Variants in ITK observed in about 807,000 individuals in gnomAD.
The protein encoded by ITK is IL2 inducible T cell kinase.
A neutral mutation model predicts 87.6 loss-of-function variants in ITK; 45 were observed. The ratio of observed to expected loss-of-function variants is 0.51; its 90% confidence interval spans 0.40 to 0.66. ITK has a LOEUF of 0.66. ITK is among the 30% of genes least tolerant of loss of function. The pLI, the probability that ITK is intolerant of heterozygous loss-of-function variation, is 0.00. For missense variants in ITK, 605 were observed against 766.3 expected (o/e 0.79, Z 2.48); for synonymous variants, 303 against 273.6 (o/e 1.11, Z -1.06).
chr5:157,233,567 A>G lies in ITK; in HGVS notation c.768+1173A>G, dbSNP rs573926095. ...GGTCCCACCCCAGATCCACAGAATC[A>G]GAGTCTCTAGTGTTAGTTCCCGGGA... On this transcript the variant is annotated intron_variant, in intron 8 of 16. Transcript: ENST00000422843. Among the ~76,000 whole-genome samples the G allele has an allele frequency of 2.1e-3, 320 of 152,276 alleles. 2 individuals carry two copies. Among genetic ancestry groups the G allele is most frequent in the African/African-American group, 7.5e-3 (311 of 41,556 alleles).
chr5:157,206,969 C>T (rs1353308406), intron 1 of ITK, among the ~76,000 whole-genome samples: 1 of 151,992 alleles, frequency 6.6e-6, no homozygotes, highest in East Asian at 1.9e-4. Flanking sequence ...TGTCAAAACT[C>T]ACTGAAATGT....
At position 157,253,521 on chromosome 5, in the gene ITK, C is replaced by T; in HGVS notation, c.*843C>T. ...CTTTTATACCAAGCTGTGCAGGTGACTATGCCTCCTCTTCTGCACAGAATG... is the reference window on the plus strand; with the variant it reads ...CTTTTATACCAAGCTGTGCAGGTGATTATGCCTCCTCTTCTGCACAGAATG... On this transcript the variant is annotated 3_prime_UTR_variant, in exon 17 of 17. Transcript: ENST00000422843. The T allele has an allele frequency of 8.8e-6, 2 of 226,496 alleles. No homozygotes were observed. The highest frequency in any genetic ancestry group is 1.8e-5 in the Non-Finnish European group (2 of 113,798). The allele number at this position is 226,496 out of a possible 1,614,324, so 14.0% of individuals were successfully genotyped here.
intron 9 of ITK, 120 bp from the exon 10 acceptor site, chr5:157,239,942 T>A: frequency 9.9e-7 from 1 of 1,006,588 alleles, no homozygotes; most frequent in South Asian, 1.4e-5. Flanking sequence ...AGTTGAACAA[T>A]ATCTGCCACC....
rs1451955244 is a variant in ITK, at chr5:157,226,802, GT to G, written c.648-1487del. ...CAGGCATCTTTTTTTGTTTTGTTTT[GT>G]TTTTTTGTTTTTTTGAGACAGAGTC... On this transcript the variant is annotated intron_variant, in intron 6 of 16. Transcript: ENST00000422843. 6.2e-5 allele frequency among the ~76,000 whole-genome samples: 8 copies of G among 128,606 alleles called. No individual in the cohort carries two copies. The South Asian group carries it at 1.8e-3, about 28-fold the overall frequency. The allele number at this position is 128,606 out of a possible 152,430, so 84.4% of individuals were successfully genotyped here.
At chr5:157,187,447 A>G (rs997333265) in intron 1 of ITK, among the ~76,000 whole-genome samples, 1 of 152,236 alleles carries the variant, frequency 6.6e-6, no homozygotes, top group Non-Finnish European at 1.5e-5. Flanking sequence ...TGGAGAGGTT[A>G]GAGACACAAA....
intron 8 of ITK, among the ~76,000 whole-genome samples, chr5:157,233,965 T>TATA (rs1561661212): frequency 1.5e-3 from 28 of 18,766 alleles, no homozygotes; most frequent in Admixed American, 2.8e-3. Flanking sequence ...ATATATATAT[T>TATA]TTTTTTTTTT....
chr5:157,210,060 G>A (rs188391090), intron 2 of ITK, among the ~76,000 whole-genome samples: 1 of 152,114 alleles, frequency 6.6e-6, no homozygotes, highest in East Asian at 1.9e-4. Context: ...TGAATAGCTG[G>A]GACTACGGGC....
chr5:157,206,421 C>T (rs899360138), intron 1 of ITK, among the ~76,000 whole-genome samples: 45 of 152,202 alleles, frequency 3.0e-4, no homozygotes, highest in African/African-American at 1.0e-3. Context: ...GTGGGGGAGA[C>T]GCTCCTCCTC....
intron 9 of ITK, 145 bp from the exon 10 acceptor site, chr5:157,239,917 C>A: frequency 2.4e-6 from 2 of 842,028 alleles, no homozygotes; most frequent in Non-Finnish European, 3.8e-6. Context: ...CCCAATCTGT[C>A]AAGACAGACT....
At chr5:157,191,323 G>A (rs1040642348) in intron 1 of ITK, among the ~76,000 whole-genome samples, 2 of 151,790 alleles carry the variant, frequency 1.3e-5, no homozygotes, top group Non-Finnish European at 2.9e-5. Context: ...GAAAGTGCCT[G>A]GTGTATAACC....
At chr5:157,242,228 GC>G (rs1321072599) in intron 11 of ITK, among the ~76,000 whole-genome samples, 1 of 152,152 alleles carries the variant, frequency 6.6e-6, no homozygotes, top group Non-Finnish European at 1.5e-5. Context: ...ATGTTTTCTT[GC>G]CCTACGGAAT....
At chr5:157,237,627 T>G (rs1754803350) in intron 8 of ITK, among the ~76,000 whole-genome samples, 1 of 152,214 alleles carries the variant, frequency 6.6e-6, no homozygotes, top group Non-Finnish European at 1.5e-5. Context: ...GCTTCTAACA[T>G]TCTTTGAAAG....
chr5:157,239,945 C>T, intron 9 of ITK, 117 bp from the exon 10 acceptor site: 1 of 1,019,310 alleles, frequency 9.8e-7, no homozygotes, highest in Middle Eastern at 2.6e-4. Flanking sequence ...TGAACAATAT[C>T]TGCCACCTTG....
chr5:157,197,450 C>T (rs1332569859), intron 1 of ITK, among the ~76,000 whole-genome samples: 1 of 152,178 alleles, frequency 6.6e-6, no homozygotes, highest in African/African-American at 2.4e-5. Context: ...GCTTTTCCTC[C>T]TGCTTCACAC....
rs933100482 is a variant in ITK, at chr5:157,232,200, T to G, written c.714-140T>G. 9.0e-6 allele frequency: 6 copies of G among 664,646 alleles called. No homozygotes were observed. The Admixed American group carries it at 1.5e-4, about 17-fold the overall frequency. 41.2% of individuals were successfully genotyped at this position (664,646 alleles called of 1,614,324 possible). On this transcript the variant is annotated intron_variant, in intron 7 of 16. Coordinates refer to ENST00000422843, the MANE Select transcript of ITK (RefSeq NM_005546.4). ...AACATACGTGTGCAGACTTGTTAAA[T>G]AAATAAAATACACTTAAAATTTTTT...
Position 157,252,967 on chromosome 5 carries a change from G to A in ITK, c.*289G>A. On this transcript the variant is annotated 3_prime_UTR_variant, in exon 17 of 17. Coordinates refer to ENST00000422843, the MANE Select transcript of ITK (RefSeq NM_005546.4). The stretch of plus-strand genomic sequence containing the variant: ...GTGGTGCACAAACCTCAACCTGACA[G>A]CTTTCAGACAGCATTCTTGCACTTC... 2.0e-6 allele frequency: 1 copy of A among 489,496 alleles called. No homozygotes were observed. 30.3% of individuals were successfully genotyped at this position (489,496 alleles called of 1,614,324 possible).
intron 1 of ITK, among the ~76,000 whole-genome samples, chr5:157,181,920 G>C (rs1335523255): frequency 6.6e-6 from 1 of 152,174 alleles, no homozygotes. Flanking sequence ...AAAAGCATTG[G>C]ACAAAGGGTC....
chr5:157,233,649 G>A (rs945148291), intron 8 of ITK, among the ~76,000 whole-genome samples: 37 of 152,088 alleles, frequency 2.4e-4, no homozygotes, highest in African/African-American at 8.7e-4. Context: ...CAAACCTGGC[G>A]CTGCCAGGCT....
At chr5:157,191,126 T>C (rs1398400541) in intron 1 of ITK, among the ~76,000 whole-genome samples, 1 of 151,956 alleles carries the variant, frequency 6.6e-6, no homozygotes, top group Admixed American at 6.6e-5. Flanking sequence ...TTTTTTTATT[T>C]ATTTATTTAT....
Sources: allele counts gnomAD v4.1 joint callset (sites outside exome capture counted in the v4.1 genomes callset), GRCh38; gene constraint gnomAD v4.1.1; transcripts MANE v1.5; gene names NCBI Gene and HGNC (gene_info 2026-07-23, HGNC 2026-07-21).